The following LPP variants were observed in gnomAD, a reference collection of about 807,000 sequenced individuals.
LPP encodes LIM domain containing preferred translocation partner in lipoma, also known as lipoma-preferred partner.
Under a neutral mutation model 60.4 loss-of-function variants are expected in LPP, and 38 were observed. The ratio of observed to expected loss-of-function variants is 0.63; its 90% CI spans 0.49 to 0.83. LPP has a LOEUF of 0.83. LPP is among the 40% of genes least tolerant of loss of function. LPP has a pLI of 0.00. For missense variants in LPP, 902 were observed against 783.6 expected (o/e 1.15, Z -1.80); for synonymous variants, 328 against 290.8 (o/e 1.13, Z -1.30).
chr3:188,472,281 C>T (rs912531480), intron 4 of LPP, among the ~76,000 whole-genome samples: 1 of 151,980 alleles, frequency 6.6e-6, no homozygotes, highest in African/African-American at 2.4e-5. Flanking sequence ...CTTAAACAGC[C>T]AGTGACCTTT....
At chr3:188,596,406 G>A (rs1839986157) in intron 6 of LPP, among the ~76,000 whole-genome samples, 1 of 152,000 alleles carries the variant, frequency 6.6e-6, no homozygotes, top group Non-Finnish European at 1.5e-5. Context: ...CTACTCTGTG[G>A]CAAAAGTGCT....
Position 188,860,054 on chromosome 3 carries a change from A to G in LPP, c.1411-6146A>G, listed in dbSNP as rs563678470. ...ACTTAGATTAAGATATAGACAAAGG[A>G]CATTAGAAAGACCAAGAGAAATGTT... On this transcript the variant is annotated intron_variant, in intron 9 of 11. Coordinates refer to ENST00000617246, the MANE Select transcript of LPP (RefSeq NM_001375462.1). Among the ~76,000 whole-genome samples, 7 of 152,120 alleles carry G rather than the reference A, an allele frequency of 4.6e-5. No individual in the cohort carries two copies. In the East Asian group the frequency reaches 1.2e-3, roughly 25 times the overall value.
chr3:188,321,560 AT>A (rs1361019068), intron 2 of LPP, among the ~76,000 whole-genome samples: 1 of 152,216 alleles, frequency 6.6e-6, no homozygotes, highest in Non-Finnish European at 1.5e-5. Flanking sequence ...AAAAAGTCTA[AT>A]TCAGAAGAAT....
intron 5 of LPP, among the ~76,000 whole-genome samples, chr3:188,489,682 C>T (rs1477381120): frequency 1.3e-5 from 2 of 152,186 alleles, no homozygotes; most frequent in Non-Finnish European, 2.9e-5. Flanking sequence ...GTTGCACTTG[C>T]AGGAAACCCC....
chr3:188,240,645 C>G (rs544196678), intron 2 of LPP, among the ~76,000 whole-genome samples: 2 of 152,160 alleles, frequency 1.3e-5, no homozygotes, highest in African/African-American at 2.4e-5. Flanking sequence ...TATAAAAAAG[C>G]GTAATCATAA....
At chr3:188,594,479 A>T (rs551629749) in intron 6 of LPP, among the ~76,000 whole-genome samples, 11 of 152,268 alleles carry the variant, frequency 7.2e-5, no homozygotes, top group African/African-American at 2.6e-4. Flanking sequence ...AAAAAATTCT[A>T]CTGGTTTTCT....
At chr3:188,702,024 A>G (rs1286919714) in intron 7 of LPP, among the ~76,000 whole-genome samples, 2 of 131,876 alleles carry the variant, frequency 1.5e-5, no homozygotes, top group Admixed American at 1.9e-4. Flanking sequence ...ATCTGGGCTC[A>G]CTGCAACCTC....
intron 9 of LPP, among the ~76,000 whole-genome samples, chr3:188,797,092 G>A (rs1486602605): frequency 6.6e-6 from 1 of 150,696 alleles, no homozygotes; most frequent in Non-Finnish European, 1.5e-5. Flanking sequence ...AGCCGTTAGA[G>A]GGAATTGTCT....
chr3:188,420,338 T>C (rs988506420), intron 4 of LPP, among the ~76,000 whole-genome samples: 2 of 152,190 alleles, frequency 1.3e-5, no homozygotes, highest in Non-Finnish European at 2.9e-5. Flanking sequence ...GTTTATATTA[T>C]CTCTTTGAAA....
At chr3:188,405,888 TC>T (rs1783356840) in intron 3 of LPP, among the ~76,000 whole-genome samples, 7 of 152,036 alleles carry the variant, frequency 4.6e-5, no homozygotes, top group Non-Finnish European at 1.0e-4. Context: ...TCTCTTTCTT[TC>T]TTTCTTTCTC....
chr3:188,867,446 C>G (rs1276328366), intron 10 of LPP, among the ~76,000 whole-genome samples: 1 of 151,984 alleles, frequency 6.6e-6, no homozygotes, highest in Admixed American at 6.6e-5. Flanking sequence ...CTGACTCAAG[C>G]AATTCTCCTA....
chr3:188,324,613 A>G (rs967432587), intron 2 of LPP, among the ~76,000 whole-genome samples: 1 of 152,156 alleles, frequency 6.6e-6, no homozygotes, highest in Non-Finnish European at 1.5e-5. Flanking sequence ...TGCTATCATT[A>G]CTTCTTTTGA....
intron 10 of LPP, among the ~76,000 whole-genome samples, chr3:188,871,407 A>C (rs1560321489): frequency 6.6e-6 from 1 of 152,164 alleles, no homozygotes; most frequent in Non-Finnish European, 1.5e-5. Context: ...CTTTTCTTTC[A>C]CAGCAATCAA....
chr3:188,333,666 C>G (rs1760755919), intron 2 of LPP, among the ~76,000 whole-genome samples: 1 of 152,156 alleles, frequency 6.6e-6, no homozygotes, highest in Admixed American at 6.5e-5. Context: ...TGCCTGCTTG[C>G]AAGCACTATA....
intron 6 of LPP, among the ~76,000 whole-genome samples, chr3:188,527,160 G>T (rs1820820423): frequency 6.6e-6 from 1 of 151,968 alleles, no homozygotes; most frequent in African/African-American, 2.4e-5. Context: ...GACCAGCCTG[G>T]CCAACATGGT....
At position 188,609,235 on chromosome 3, in the gene LPP, C is replaced by T. The variant is rs752057980; in HGVS notation, c.504C>T (p.Asn168=). 6 of 1,613,844 alleles carry T rather than the reference C, an allele frequency of 3.7e-6. No individual in the cohort carries two copies. In the East Asian group the frequency reaches 1.3e-4, roughly 36 times the overall value. Reference sequence around the variant, plus strand: ...GACACAAGAGAATGGTCATCCCGAACCAACCCCCTCTAACAGCAACCAAGA... The same window carrying T: ...GACACAAGAGAATGGTCATCCCGAATCAACCCCCTCTAACAGCAACCAAGA... ...VTGHKRMVIP[N]QPPLTATKKS... is the part of the protein sequence containing the mutation. The change falls in exon 7 of 12, where the codon AAC becomes AAT. Residue 168 remains asparagine, a synonymous_variant. Coordinates refer to ENST00000617246, the MANE Select transcript of LPP (RefSeq NM_001375462.1). This position sits in a 1 kb window ranked among gnomAD's most constrained non-coding sequence, Gnocchi z 6.9.
At chr3:188,578,697 T>C (rs991060887) in intron 6 of LPP, among the ~76,000 whole-genome samples, 3 of 152,212 alleles carry the variant, frequency 2.0e-5, no homozygotes, top group Admixed American at 2.0e-4. Flanking sequence ...CTGAGACTTC[T>C]GTTCTACAAT....
chr3:188,173,127 T>C (rs972877880), intron 1 of LPP, among the ~76,000 whole-genome samples: 1 of 152,176 alleles, frequency 6.6e-6, no homozygotes, highest in Non-Finnish European at 1.5e-5. Context: ...CCTCAGCCTT[T>C]TAAACTGCTG....
intron 8 of LPP, among the ~76,000 whole-genome samples, chr3:188,758,459 C>G (rs1483637263): frequency 3.3e-5 from 5 of 152,138 alleles, no homozygotes; most frequent in Admixed American, 6.5e-5. Flanking sequence ...CTGCACCCAG[C>G]CTTCATATTT....
Sources: allele counts gnomAD v4.1 joint callset (sites outside exome capture counted in the v4.1 genomes callset), GRCh38; gene constraint gnomAD v4.1.1; non-coding constraint Gnocchi (gnomAD v3.1); transcripts MANE v1.5; gene names NCBI Gene and HGNC (gene_info 2026-07-23, HGNC 2026-07-21).